DCC: variants seen among roughly 807,000 people sequenced by gnomAD.
The protein encoded by DCC is netrin receptor DCC.
In DCC, 58 loss-of-function variants were observed where a neutral mutation model predicts 172.5. The observed-to-expected ratio is 0.34, with a 90% CI of 0.27 to 0.42. The LOEUF (loss-of-function observed/expected upper bound fraction) is 0.42, where lower values mean the gene tolerates loss of function less well. Among genes scored for constraint, DCC ranks in the 10% least tolerant of loss-of-function variants. DCC has a pLI of 1.00. For missense variants in DCC, 1,740 were observed against 1,791.0 expected (o/e 0.97, Z 0.51); for synonymous variants, 709 against 644.5 (o/e 1.10, Z -1.52).
At chr18:53,234,891 TTTC>T (rs986743253) in intron 12 of DCC, among the ~76,000 whole-genome samples, 1 of 152,238 alleles carries the variant, frequency 6.6e-6, no homozygotes, top group African/African-American at 2.4e-5. Flanking sequence ...GGTTTGTTCC[TTTC>T]TTCTTCTCTT....
intron 5 of DCC, among the ~76,000 whole-genome samples, chr18:52,957,566 T>C (rs2040766184): frequency 4.6e-5 from 7 of 152,176 alleles, no homozygotes; most frequent in Admixed American, 2.0e-4. Context: ...ATAGACATAT[T>C]TTCTTTTGAT....
At chr18:53,180,745 C>A (rs113999769) in intron 9 of DCC, among the ~76,000 whole-genome samples, 3,151 of 152,186 alleles carry the variant, frequency 0.021, 107 homozygotes, top group African/African-American at 0.071. Flanking sequence ...CTCATTGCAA[C>A]CTCCGCCTCC....
intron 15 of DCC, among the ~76,000 whole-genome samples, chr18:53,376,929 C>T (rs1907331323): frequency 6.6e-6 from 1 of 152,248 alleles, no homozygotes; most frequent in Non-Finnish European, 1.5e-5. Flanking sequence ...TACTTTACCA[C>T]CTCAGTTCAG....
intron 7 of DCC, among the ~76,000 whole-genome samples, chr18:53,101,571 G>A (rs890162091): frequency 4.6e-5 from 7 of 152,104 alleles, no homozygotes; most frequent in Non-Finnish European, 7.4e-5. Context: ...GCTCACAGGG[G>A]TATTTGTTCA....
chr18:52,907,849 A>G (rs1321475932), intron 3 of DCC, among the ~76,000 whole-genome samples: 1 of 152,196 alleles, frequency 6.6e-6, no homozygotes, highest in Non-Finnish European at 1.5e-5. Flanking sequence ...GGATGCACAC[A>G]TGTAAGTAAT....
At chr18:52,979,911 A>C (rs556518890) in intron 5 of DCC, among the ~76,000 whole-genome samples, 11 of 152,336 alleles carry the variant, frequency 7.2e-5, no homozygotes, top group Non-Finnish European at 1.5e-4. Flanking sequence ...GAGTGGTTGC[A>C]AAGGGCAACT....
At chr18:53,024,801 T>C (rs890188855) in intron 5 of DCC, among the ~76,000 whole-genome samples, 1 of 152,172 alleles carries the variant, frequency 6.6e-6, no homozygotes, top group Non-Finnish European at 1.5e-5. Flanking sequence ...GGATTGTAGT[T>C]GTTGTTTCTT....
intron 24 of DCC, among the ~76,000 whole-genome samples, chr18:53,464,318 A>T: frequency 6.6e-6 from 1 of 152,232 alleles, no homozygotes; most frequent in East Asian, 1.9e-4. Flanking sequence ...GTAGTATTCA[A>T]TTTCTAAAAA....
chr18:52,898,127 C>T (rs1001788292), intron 2 of DCC, among the ~76,000 whole-genome samples: 5 of 152,322 alleles, frequency 3.3e-5, no homozygotes, highest in African/African-American at 1.2e-4. Flanking sequence ...CAGCCGCTCT[C>T]CTCTGGCAGT....
chr18:52,485,061 G>C (rs904433231), intron 1 of DCC, among the ~76,000 whole-genome samples: 1 of 152,072 alleles, frequency 6.6e-6, no homozygotes, highest in African/African-American at 2.4e-5. Context: ...AAGACTTGGA[G>C]CATGAAGGAC....
chr18:52,399,137 C>T (rs16954849), intron 1 of DCC, among the ~76,000 whole-genome samples: 1 of 151,860 alleles, frequency 6.6e-6, no homozygotes, highest in Non-Finnish European at 1.5e-5. Context: ...CAAAAACAAG[C>T]ATCTTTCATA....
intron 7 of DCC, among the ~76,000 whole-genome samples, chr18:53,125,655 G>T (rs1568319194): frequency 6.6e-6 from 1 of 152,092 alleles, no homozygotes; most frequent in Non-Finnish European, 1.5e-5. Context: ...CTCTCATGGT[G>T]CTGTAGTTGC....
At chr18:53,024,864 G>GCTTA (rs2041934699) in intron 5 of DCC, among the ~76,000 whole-genome samples, 1 of 152,032 alleles carries the variant, frequency 6.6e-6, no homozygotes, top group African/African-American at 2.4e-5. Flanking sequence ...ATTTGCTGTA[G>GCTTA]CTTAGCATGT....
chr18:53,506,035 A>G (rs2046170902), intron 27 of DCC, among the ~76,000 whole-genome samples: 1 of 152,216 alleles, frequency 6.6e-6, no homozygotes. Context: ...GACATTTCCA[A>G]ATAAATGTAT....
intron 1 of DCC, among the ~76,000 whole-genome samples, chr18:52,743,766 G>A (rs1259056458): frequency 6.6e-6 from 1 of 152,210 alleles, no homozygotes; most frequent in East Asian, 1.9e-4. Flanking sequence ...TTTCAGCTGG[G>A]ACAGTTGCTT....
chr18:52,808,989 T>A lies in DCC; in HGVS notation c.412+56615T>A, dbSNP rs1175088393. On this transcript the variant is annotated intron_variant, in intron 2 of 28. Transcript: ENST00000442544. ...CACTTACTTTAACCCTAGGTTTATG[T>A]CTACAAAAGCGTATGCCTGGGTAAT... 5.3e-5 allele frequency among the ~76,000 whole-genome samples: 8 copies of A among 152,290 alleles called. 1 individual carries two copies. In the South Asian group the frequency reaches 1.7e-3, roughly 32 times the overall value.
chr18:53,253,285 T>C (rs1245775402), intron 12 of DCC, among the ~76,000 whole-genome samples: 2 of 152,020 alleles, frequency 1.3e-5, no homozygotes, highest in Non-Finnish European at 2.9e-5. Context: ...TAAAAGCTTA[T>C]TTTATGCCAA....
At chr18:52,844,135 G>C (rs1338631108) in intron 2 of DCC, among the ~76,000 whole-genome samples, 3 of 152,118 alleles carry the variant, frequency 2.0e-5, no homozygotes, top group Non-Finnish European at 4.4e-5. Flanking sequence ...CCACATAACA[G>C]AGACAAAATA....
Position 53,435,025 on chromosome 18 carries a change from T to C in DCC, c.3164-119T>C. 2 of 802,408 alleles carry C rather than the reference T, an allele frequency of 2.5e-6. 1 individual carries two copies. 49.7% of individuals were successfully genotyped at this position (802,408 alleles called of 1,614,324 possible). A position where few individuals can be genotyped will look rare whatever the true frequency, so the allele number is the denominator to read the frequency against. ...TGTAAGGGTATGAGAGTTGTCAGGCTTTCTTGGGGGTGATCAAAGTAATCT... is the reference window on the plus strand; with the variant it reads ...TGTAAGGGTATGAGAGTTGTCAGGCCTTCTTGGGGGTGATCAAAGTAATCT... On this transcript the variant is annotated intron_variant, in intron 21 of 28. Transcript: ENST00000442544.
Sources: gnomAD v4.1 joint callset for allele counts (sites outside exome capture counted in the v4.1 genomes callset) on GRCh38, gnomAD v4.1.1 for gene constraint, MANE v1.5 for transcripts, NCBI Gene and HGNC (gene_info 2026-07-23, HGNC 2026-07-21) for gene names.